The following FHIT variants were observed in gnomAD, a reference collection of about 807,000 sequenced individuals.
FHIT encodes fragile histidine triad diadenosine triphosphatase.
In FHIT, 19 loss-of-function variants were observed where a neutral mutation model predicts 17.9. The observed-to-expected ratio is 1.06, with a 90% confidence interval of 0.74 to 1.56. The LOEUF (loss-of-function observed/expected upper bound fraction) is 1.56, where lower values mean the gene tolerates loss of function less well. Ranked by LOEUF, FHIT falls within the 40% of genes most tolerant of loss-of-function variation. FHIT has a pLI of 0.00. For synonymous variants in FHIT, 81 were observed against 69.7 expected, an observed-to-expected ratio of 1.16 and a Z score of -0.81; for missense variants, 248 against 189.2, an observed-to-expected ratio of 1.31 and a Z score of -1.82.
At chr3:60,954,993 C>A (rs1476231939) in intron 3 of FHIT, among the ~76,000 whole-genome samples, 1 of 152,080 alleles carries the variant, frequency 6.6e-6, no homozygotes, top group East Asian at 1.9e-4. Flanking sequence ...CAAATTAATT[C>A]TATTTATTGT....
At chr3:60,632,789 A>T (rs73095400) in intron 4 of FHIT, among the ~76,000 whole-genome samples, 20,186 of 152,124 alleles carry the variant, frequency 0.13, 1,438 homozygotes, top group East Asian at 0.15. Flanking sequence ...GTTAAAAAAA[A>T]CTAAAGTTCT....
intron 5 of FHIT, among the ~76,000 whole-genome samples, chr3:60,120,872 T>C (rs1277796965): frequency 1.3e-5 from 2 of 151,690 alleles, no homozygotes; most frequent in Admixed American, 6.6e-5. Context: ...TTTGCTCACA[T>C]AGCAGCGAAC....
At chr3:61,185,068 CT>C (rs139751392) in intron 2 of FHIT, among the ~76,000 whole-genome samples, 11,982 of 152,230 alleles carry the variant, frequency 0.079, 1,125 homozygotes, top group East Asian at 0.42. Context: ...TATAAATAGA[CT>C]TTTTCCCCCC....
At chr3:60,129,635 T>C (rs904639799) in intron 5 of FHIT, among the ~76,000 whole-genome samples, 1 of 152,186 alleles carries the variant, frequency 6.6e-6, no homozygotes, top group Non-Finnish European at 1.5e-5. Flanking sequence ...AAGTCTACTA[T>C]AAGTGAATTT....
At chr3:60,279,923 T>C (rs1296410202) in intron 5 of FHIT, among the ~76,000 whole-genome samples, 2 of 151,310 alleles carry the variant, frequency 1.3e-5, no homozygotes, top group African/African-American at 4.9e-5. Flanking sequence ...TCTCAGCTAC[T>C]TGGGAGGCTG....
At chr3:60,249,407 C>G (rs1705572297) in intron 5 of FHIT, among the ~76,000 whole-genome samples, 1 of 152,108 alleles carries the variant, frequency 6.6e-6, no homozygotes, top group African/African-American at 2.4e-5. Context: ...GGGAGGCTGA[C>G]TCCATCACTT....
At chr3:61,229,678 A>G (rs535331795) in intron 1 of FHIT, among the ~76,000 whole-genome samples, 2 of 152,292 alleles carry the variant, frequency 1.3e-5, no homozygotes, top group East Asian at 3.9e-4. Context: ...CGTGCAGCAC[A>G]GGGCCTAGAA....
At chr3:60,044,513 G>C (rs1701570494) in intron 5 of FHIT, among the ~76,000 whole-genome samples, 1 of 152,090 alleles carries the variant, frequency 6.6e-6, no homozygotes, top group Non-Finnish European at 1.5e-5. Context: ...CCTTGGTTAA[G>C]TGTTTTAACA....
intron 4 of FHIT, among the ~76,000 whole-genome samples, chr3:60,771,370 A>C (rs1219720097): frequency 6.6e-6 from 1 of 152,334 alleles, no homozygotes; most frequent in Admixed American, 6.5e-5. Context: ...ACTCTTTCTG[A>C]AAACTCCTCC....
At chr3:60,280,045 AAAAC>A (rs1369949578) in intron 5 of FHIT, among the ~76,000 whole-genome samples, 39 of 151,392 alleles carry the variant, frequency 2.6e-4, no homozygotes, top group Non-Finnish European at 3.2e-4. Context: ...AAAAAAAAAA[AAAAC>A]AATAGAAGAA....
chr3:60,464,572 T>C (rs544394252), intron 5 of FHIT, among the ~76,000 whole-genome samples: 225 of 152,226 alleles, frequency 1.5e-3, no homozygotes, highest in Non-Finnish European at 2.4e-3. Context: ...CTCAGTTGTT[T>C]TAAATTTTTA....
At chr3:60,676,728 C>T (rs1462335150) in intron 4 of FHIT, among the ~76,000 whole-genome samples, 1 of 152,188 alleles carries the variant, frequency 6.6e-6, no homozygotes, top group Non-Finnish European at 1.5e-5. Context: ...AGGTTTTGAT[C>T]TTGACCATTC....
intron 8 of FHIT, among the ~76,000 whole-genome samples, chr3:59,780,449 G>C (rs1179209334): frequency 6.6e-6 from 1 of 152,194 alleles, no homozygotes; most frequent in Non-Finnish European, 1.5e-5. Context: ...GAATGAATCA[G>C]GAGAGCACAC....
intron 3 of FHIT, among the ~76,000 whole-genome samples, chr3:61,032,517 T>C (rs2033056836): frequency 1.3e-5 from 2 of 152,144 alleles, no homozygotes; most frequent in Non-Finnish European, 2.9e-5. Flanking sequence ...AACTGAAGCA[T>C]TCTTCATCCC....
rs530590173 is a variant in FHIT at position 60,874,111 on chromosome 3, A to C, written c.-110-52100T>G. Reference sequence around the variant, plus strand: ...TATGAGTTGTGTAACCTGGGGCATGATATTGAACCCCTCTGAGTCATTTCC... The same window carrying C: ...TATGAGTTGTGTAACCTGGGGCATGCTATTGAACCCCTCTGAGTCATTTCC... On this transcript the variant is annotated intron_variant, in intron 3 of 9. Coordinates refer to ENST00000492590, the MANE Select transcript of FHIT (RefSeq NM_002012.4). Among the ~76,000 whole-genome samples, 7 of 152,290 alleles carry C rather than the reference A, an allele frequency of 4.6e-5. No homozygotes were observed. The South Asian group carries it at 1.4e-3, about 32-fold the overall frequency.
intron 5 of FHIT, among the ~76,000 whole-genome samples, chr3:60,365,071 G>A (rs1302344740): frequency 1.3e-5 from 2 of 149,274 alleles, no homozygotes; most frequent in African/African-American, 2.5e-5. Flanking sequence ...TATTCTATTG[G>A]TTCTGTTCTC....
intron 5 of FHIT, among the ~76,000 whole-genome samples, chr3:60,076,166 C>T (rs80229008): frequency 6.6e-6 from 1 of 152,000 alleles, no homozygotes; most frequent in African/African-American, 2.4e-5. Flanking sequence ...GAAATGAAGA[C>T]CTTTTACAGG....
intron 4 of FHIT, among the ~76,000 whole-genome samples, chr3:60,618,255 A>G (rs2039011847): frequency 6.6e-6 from 1 of 152,162 alleles, no homozygotes; most frequent in Non-Finnish European, 1.5e-5. Context: ...TGATATGCTC[A>G]GGTGCAGTCC....
chr3:60,968,087 G>A (rs1000863015), intron 3 of FHIT, among the ~76,000 whole-genome samples: 3 of 152,216 alleles, frequency 2.0e-5, no homozygotes, highest in African/African-American at 7.2e-5. Flanking sequence ...TCCATGTCCA[G>A]TCTGATCCAA....
Sources: gnomAD v4.1 joint callset for allele counts (sites outside exome capture counted in the v4.1 genomes callset) on GRCh38, gnomAD v4.1.1 for gene constraint, MANE v1.5 for transcripts, NCBI Gene and HGNC (gene_info 2026-07-23, HGNC 2026-07-21) for gene names.